Variants in TSHZ2 observed in about 807,000 individuals in gnomAD.
TSHZ2 encodes teashirt homolog 2.
Under a neutral mutation model 74.4 loss-of-function variants are expected in TSHZ2, and 21 were observed. That is an observed-to-expected ratio of 0.28 (90% confidence interval 0.20 to 0.41). The LOEUF is 0.41. Ranked by LOEUF, TSHZ2 falls within the 10% of genes least tolerant of loss-of-function variation. The pLI, the probability that TSHZ2 is intolerant of heterozygous loss-of-function variation, is 1.00. For synonymous variants in TSHZ2, 540 were observed against 515.3 expected, an observed-to-expected ratio of 1.05 and a Z score of -0.65; for missense variants, 1,244 against 1,293.5, an observed-to-expected ratio of 0.96 and a Z score of 0.59.
At chr20:53,167,471 C>T (rs1458963514) in intron 1 of TSHZ2, among the ~76,000 whole-genome samples, 2 of 152,176 alleles carry the variant, frequency 1.3e-5, no homozygotes, top group East Asian at 1.9e-4. Flanking sequence ...TTGACCCCAT[C>T]ACTCATTCTC....
At chr20:52,973,357 G>A in intron 1 of TSHZ2, 24 bp downstream of exon 1, 1 of 1,550,694 alleles carries the variant, frequency 6.4e-7, no homozygotes. Flanking sequence ...CTCCGCTTCG[G>A]GGCTGCCCTG....
chr20:53,395,746 C>T (rs537794652), intron 2 of TSHZ2, among the ~76,000 whole-genome samples: 18 of 152,216 alleles, frequency 1.2e-4, no homozygotes, highest in South Asian at 8.3e-4. Flanking sequence ...ACCGTGCAGA[C>T]GTGCCATTGA....
intron 2 of TSHZ2, among the ~76,000 whole-genome samples, chr20:53,473,981 A>C (rs1306432784): frequency 3.3e-5 from 5 of 151,840 alleles, no homozygotes; most frequent in African/African-American, 4.8e-5. Flanking sequence ...GAAATGAGCA[A>C]AGCCTCCAAG....
intron 1 of TSHZ2, among the ~76,000 whole-genome samples, chr20:53,094,571 A>G (rs1032690648): frequency 9.9e-5 from 15 of 152,178 alleles, no homozygotes; most frequent in African/African-American, 3.4e-4. Flanking sequence ...AATTTACCCA[A>G]TGGTAAACTC....
chr20:53,336,505 G>A (rs955513913), intron 2 of TSHZ2, among the ~76,000 whole-genome samples: 1 of 152,168 alleles, frequency 6.6e-6, no homozygotes, highest in Non-Finnish European at 1.5e-5. Context: ...CTCATTGATT[G>A]GAAGATGCAT....
chr20:53,126,845 T>C (rs2123369922), intron 1 of TSHZ2, among the ~76,000 whole-genome samples: 1 of 152,236 alleles, frequency 6.6e-6, no homozygotes, highest in East Asian at 1.9e-4. Flanking sequence ...TTGTAGATAG[T>C]GGAGGCTGAA....
intron 1 of TSHZ2, among the ~76,000 whole-genome samples, chr20:53,217,321 T>C (rs888520812): frequency 3.3e-5 from 5 of 152,122 alleles, no homozygotes; most frequent in African/African-American, 1.2e-4. Context: ...AGAAGGGGCC[T>C]GGCCTCACCC....
chr20:53,398,951 T>C (rs1982555999), intron 2 of TSHZ2: 1 of 151,680 alleles, frequency 6.6e-6, no homozygotes. Flanking sequence ...ATAATAATAA[T>C]AAGGAAATCA....
intron 2 of TSHZ2, among the ~76,000 whole-genome samples, chr20:53,371,474 G>A (rs1456752398): frequency 1.3e-5 from 2 of 152,252 alleles, no homozygotes; most frequent in African/African-American, 2.4e-5. Context: ...GTTAGGCGGT[G>A]TATTTGTTTC....
intron 1 of TSHZ2, among the ~76,000 whole-genome samples, chr20:53,238,262 G>A (rs1260715187): frequency 6.6e-6 from 1 of 152,146 alleles, no homozygotes; most frequent in Admixed American, 6.5e-5. Context: ...GTCTTTGATT[G>A]CAAGCGATAA....
At chr20:53,429,564 A>C (rs1330852153) in intron 2 of TSHZ2, among the ~76,000 whole-genome samples, 2 of 152,138 alleles carry the variant, frequency 1.3e-5, no homozygotes, top group African/African-American at 2.4e-5. Flanking sequence ...TTTTGCCATG[A>C]TTGTGAGGCC....
At chr20:53,029,595 G>T (rs1235530924) in intron 1 of TSHZ2, among the ~76,000 whole-genome samples, 1 of 152,226 alleles carries the variant, frequency 6.6e-6, no homozygotes, top group African/African-American at 2.4e-5. Context: ...AGAATTGCTT[G>T]AACCCTGGAG....
chr20:53,292,354 G>T (rs1991294360), intron 2 of TSHZ2, among the ~76,000 whole-genome samples: 1 of 152,026 alleles, frequency 6.6e-6, no homozygotes, highest in Non-Finnish European at 1.5e-5. Context: ...CAGTAGCAAA[G>T]CAATCCTAGT....
intron 2 of TSHZ2, among the ~76,000 whole-genome samples, chr20:53,305,668 C>T (rs543801197): frequency 4.6e-5 from 7 of 152,096 alleles, no homozygotes; most frequent in Non-Finnish European, 1.0e-4. Context: ...CTGGGCACCA[C>T]GGATGTACAA....
At chr20:53,419,047 A>C (rs1191456094) in intron 2 of TSHZ2, among the ~76,000 whole-genome samples, 1 of 152,204 alleles carries the variant, frequency 6.6e-6, no homozygotes, top group Non-Finnish European at 1.5e-5. Context: ...TTGTTGGGTG[A>C]ATTAACAACA....
intron 1 of TSHZ2, among the ~76,000 whole-genome samples, chr20:53,217,025 T>C (rs1466245222): frequency 6.6e-6 from 1 of 152,176 alleles, no homozygotes; most frequent in Non-Finnish European, 1.5e-5. Context: ...TTGTTATTTT[T>C]AGTGTCTGAT....
At chr20:53,005,801 G>T (rs1418850527) in intron 1 of TSHZ2, among the ~76,000 whole-genome samples, 1 of 152,068 alleles carries the variant, frequency 6.6e-6, no homozygotes, top group East Asian at 1.9e-4. Flanking sequence ...TGATGTGTTT[G>T]GTGACCTCAC....
chr20:53,291,719 G>T lies in TSHZ2; in HGVS notation c.*8+35148G>T, dbSNP rs7267527. On this transcript the variant is annotated intron_variant, in intron 2 of 2. Transcript: ENST00000371497. ...TGCTGGACGTTTGACTTTCCTATTAGGAGTTCTGAAACAGCTCCCTCTGCA... is the reference window on the plus strand; with the variant it reads ...TGCTGGACGTTTGACTTTCCTATTATGAGTTCTGAAACAGCTCCCTCTGCA... 7.9e-5 allele frequency among the ~76,000 whole-genome samples: 12 copies of T among 152,064 alleles called. No individual in the cohort carries two copies. The South Asian group carries it at 1.9e-3, about 24-fold the overall frequency.
intron 2 of TSHZ2, chr20:53,397,630 A>G (rs911947557): frequency 6.6e-5 from 10 of 152,244 alleles, no homozygotes; most frequent in African/African-American, 2.4e-4. Flanking sequence ...TACTGGGTAT[A>G]TACCCAAAGG....
Sources: allele counts gnomAD v4.1 joint callset (sites outside exome capture counted in the v4.1 genomes callset), GRCh38; gene constraint gnomAD v4.1.1; transcripts MANE v1.5; gene names NCBI Gene and HGNC (gene_info 2026-07-23, HGNC 2026-07-21).